KLHDC3: variants seen among roughly 807,000 people sequenced by gnomAD.
KLHDC3 encodes kelch domain-containing protein 3.
A neutral mutation model predicts 44.1 loss-of-function variants in KLHDC3; 5 were observed. The ratio of observed to expected loss-of-function variants is 0.11; its 90% CI spans 0.06 to 0.24. The LOEUF (loss-of-function observed/expected upper bound fraction) is 0.24. KLHDC3 is among the 10% of genes least tolerant of loss of function. KLHDC3 has a pLI of 1.00. For missense variants in KLHDC3, 247 were observed against 514.3 expected (o/e 0.48, Z 5.03); for synonymous variants, 170 against 189.0 (o/e 0.90, Z 0.82).
At chr6:43,020,500 T>C (rs1020775427) in intron 10 of KLHDC3, among the ~76,000 whole-genome samples, 167 bp from the exon 11 acceptor site, 9 of 152,022 alleles carry the variant, frequency 5.9e-5, no homozygotes, top group African/African-American at 2.2e-4. Context: ...TGGTGGTGGG[T>C]GGGTTCTGAT....
At position 43,021,175 on chromosome 6, in the gene KLHDC3, CCTT is replaced by C. The variant is rs1260340548; in HGVS notation, c.*445_*447del. 8.8e-6 allele frequency: 4 copies of C among 454,324 alleles called. No individual in the cohort carries two copies. The highest frequency in any genetic ancestry group is 3.2e-5 in the South Asian group (2 of 63,426). 28.1% of individuals were successfully genotyped at this position (454,324 alleles called of 1,614,324 possible). ...AGTTGCAGCTGTTGGCATGAGACCTCCTTCTCCCCGTCTTGGGGAGGTGGGGAC... is the reference window on the plus strand; with the variant it reads ...AGTTGCAGCTGTTGGCATGAGACCTCCTCCCCGTCTTGGGGAGGTGGGGAC... On this transcript the variant is annotated 3_prime_UTR_variant, in exon 11 of 11. Transcript: ENST00000326974.
At chr6:43,016,958 G>A (rs866487545) in intron 1 of KLHDC3, 176 bp from the exon 2 acceptor site, 11 of 559,194 alleles carry the variant, frequency 2.0e-5, no homozygotes, top group South Asian at 1.1e-4. Context: ...CCCTGACCTC[G>A]GCAGCTCCCT....
chr6:43,017,167 T>C lies in KLHDC3; in HGVS notation c.-26T>C. 3.1e-6 allele frequency: 5 copies of C among 1,604,110 alleles called. No homozygotes were observed. The highest frequency in any genetic ancestry group is 4.3e-6 in the Non-Finnish European group (5 of 1,176,090). ...GGCAGCAGGCCGTGCCGGGGGGGCA[T>C]GTTGCTGTAACCAGTGGCCCAGGGG... On this transcript the variant is annotated 5_prime_UTR_variant, in exon 2 of 11. It removes an upstream start codon present in the reference 5' UTR. Coordinates refer to ENST00000326974, the MANE Select transcript of KLHDC3 (RefSeq NM_057161.4). This position sits in a 1 kb window ranked among gnomAD's most constrained non-coding sequence, Gnocchi z 6.0.
intron 10 of KLHDC3, 135 bp downstream of exon 10, chr6:43,019,501 A>G (rs763721209): frequency 1.5e-6 from 1 of 650,070 alleles, no homozygotes; most frequent in Non-Finnish European, 2.8e-6. Flanking sequence ...CTTGTGGGAA[A>G]TGAGATGGAA....
chr6:43,018,265 T>C lies in KLHDC3; in HGVS notation c.519+49T>C, dbSNP rs1762621312. 1.9e-6 allele frequency: 3 copies of C among 1,572,748 alleles called. No homozygotes were observed. The highest frequency in any genetic ancestry group is 2.6e-6 in the Non-Finnish European group (3 of 1,142,988). On this transcript the variant is annotated intron_variant, in intron 5 of 10. Coordinates refer to ENST00000326974, the MANE Select transcript of KLHDC3 (RefSeq NM_057161.4). The surrounding 1 kb of genome is among the most constrained non-coding windows in gnomAD (Gnocchi z 6.0). ...AAATCCCCACCCTCTGTTGAAGCAA[T>C]GATAGGAAGCTCAGTCAGAGGAGAT...
In KLHDC3 at chr6:43,017,824, T is replaced by G; in HGVS notation, c.332-29T>G. 6.3e-7 allele frequency: 1 copy of G among 1,597,336 alleles called. No individual in the cohort carries two copies. Among genetic ancestry groups the G allele is most frequent in the Non-Finnish European group, 8.6e-7 (1 of 1,166,016 alleles). ...AGGAGGGACTGTCATAGAGGGTGCT[T>G]AGTTGAGCCATTTTCTCATCTCCTT... is the stretch of plus-strand genomic sequence containing the variant. On this transcript the variant is annotated intron_variant, in intron 3 of 10. Transcript: ENST00000326974. This position sits in a 1 kb window ranked among gnomAD's most constrained non-coding sequence, Gnocchi z 6.0.
At position 43,021,011 on chromosome 6, in the gene KLHDC3, G is replaced by A; in HGVS notation, c.*278G>A. 1 of 594,164 alleles carries A rather than the reference G, an allele frequency of 1.7e-6. No homozygotes were observed. The highest frequency in any genetic ancestry group is 3.2e-6 in the Non-Finnish European group (1 of 316,148). 36.8% of individuals were successfully genotyped at this position (594,164 alleles called of 1,614,324 possible). ...TGGGCCTCAGCTCTGCCCAGGGCCAGCCAGGTTCTGCTGGGAAGGGAAGGG... is the reference window on the plus strand; with the variant it reads ...TGGGCCTCAGCTCTGCCCAGGGCCAACCAGGTTCTGCTGGGAAGGGAAGGG... On this transcript the variant is annotated 3_prime_UTR_variant, in exon 11 of 11. Coordinates refer to ENST00000326974, the MANE Select transcript of KLHDC3 (RefSeq NM_057161.4).
Position 43,017,959 on chromosome 6 carries a change from C to T in KLHDC3, c.438C>T (p.Tyr146=), listed in dbSNP as rs775969944. The change falls in exon 4 of 11, where the codon TAC becomes TAT. Residue 146 remains tyrosine, a synonymous_variant. Coordinates refer to ENST00000326974, the MANE Select transcript of KLHDC3 (RefSeq NM_057161.4). This position sits in a 1 kb window ranked among gnomAD's most constrained non-coding sequence, Gnocchi z 6.0. The stretch of plus-strand genomic sequence containing the variant: ...AGATCATGTACATTTTTGGGGGCTA[C>T]GAGCAGCAGGTAGGTCTGGGAATAA... ...LGKIMYIFGG[Y]EQQADCFSND... The T allele has an allele frequency of 1.4e-5, 23 of 1,612,210 alleles. No individual in the cohort carries two copies. The highest frequency in any genetic ancestry group is 5.0e-5 in the Admixed American group (3 of 59,950).
chr6:43,020,627 G>T (rs1263740068), intron 10 of KLHDC3, 40 bp from the exon 11 acceptor site: 1 of 1,532,168 alleles, frequency 6.5e-7, no homozygotes, highest in East Asian at 2.2e-5. Context: ...TTGGGCTGAG[G>T]GCCCCCTCTT....
At chr6:43,020,643 T>C in intron 10 of KLHDC3, 24 bp from the exon 11 acceptor site, 3 of 1,601,804 alleles carry the variant, frequency 1.9e-6, no homozygotes, top group Non-Finnish European at 2.6e-6. Flanking sequence ...CTCTTCTTTC[T>C]GTCTCTTATT....
chr6:43,017,788 C>T lies in KLHDC3; in HGVS notation c.332-65C>T. 33 of 1,584,386 alleles carry T rather than the reference C, an allele frequency of 2.1e-5. No individual in the cohort carries two copies. Among genetic ancestry groups the T allele is most frequent in the Non-Finnish European group, 2.9e-5 (33 of 1,155,452 alleles). ...GTTGGGGGTCTTGGGGAGTAGAGTA[C>T]CCCAGAGCTGAGGAGGGACTGTCAT... On this transcript the variant is annotated intron_variant, in intron 3 of 10. Transcript: ENST00000326974. The surrounding 1 kb of genome is among the most constrained non-coding windows in gnomAD (Gnocchi z 6.0).
In KLHDC3 at chr6:43,019,445, A is replaced by G. The variant is rs1276836338; in HGVS notation, c.1082+79A>G. ...GGTGTGACCTGATTAGCTTGGTTTC[A>G]GTATGGAGGAGACAGACATTTTTGT... On this transcript the variant is annotated intron_variant, in intron 10 of 10. Transcript: ENST00000326974. The G allele has an allele frequency of 3.3e-6, 3 of 919,306 alleles. No individual in the cohort carries two copies. The African/African-American group carries it at 4.9e-5, about 15-fold the overall frequency. 56.9% of individuals were successfully genotyped at this position (919,306 alleles called of 1,614,324 possible).
intron 1 of KLHDC3, among the ~76,000 whole-genome samples, chr6:43,015,110 G>A (rs1488758239): frequency 1.3e-5 from 2 of 152,160 alleles, no homozygotes; most frequent in Non-Finnish European, 2.9e-5. Flanking sequence ...GGGAAGAATA[G>A]AGAATATAAG....
At position 43,017,461 on chromosome 6, in the gene KLHDC3, G is replaced by T; in HGVS notation, c.155-58G>T. On this transcript the variant is annotated intron_variant, in intron 2 of 10. Transcript: ENST00000326974. The surrounding 1 kb of genome is among the most constrained non-coding windows in gnomAD (Gnocchi z 6.0). ...GGGATTGGGGACAAACATCTGGTTT[G>T]GGAAAAGTGGACAGCCTGGAGGGAG... 1 of 1,561,884 alleles carries T rather than the reference G, an allele frequency of 6.4e-7. No individual in the cohort carries two copies. Among genetic ancestry groups the T allele is most frequent in the Non-Finnish European group, 8.7e-7 (1 of 1,150,004 alleles).
In KLHDC3 at chr6:43,017,310, A is replaced by G; in HGVS notation, c.118A>G (p.Thr40Ala). 6.2e-7 allele frequency: 1 copy of G among 1,614,102 alleles called. No homozygotes were observed. The highest frequency in any genetic ancestry group is 8.5e-7 in the Non-Finnish European group (1 of 1,179,988). ...GGYCSGEDYETLRQIDVHIFN... is the reference protein window; with the variant it reads ...GGYCSGEDYEALRQIDVHIFN... Reference sequence around the variant, plus strand: ...TTACTGCTCTGGTGAAGACTATGAGACACTGCGTCAGATAGATGTGCACAT... The same window carrying G: ...TTACTGCTCTGGTGAAGACTATGAGGCACTGCGTCAGATAGATGTGCACAT... The change falls in exon 2 of 11, where the codon ACA (threonine) becomes GCA (alanine). Residue 40 changes from threonine to alanine, a missense_variant. Transcript: ENST00000326974. This position sits in a 1 kb window ranked among gnomAD's most constrained non-coding sequence, Gnocchi z 6.0.
At position 43,018,074 on chromosome 6, in the gene KLHDC3, G is replaced by T. The variant is rs1247383206; in HGVS notation, c.448-71G>T. On this transcript the variant is annotated intron_variant, in intron 4 of 10. Transcript: ENST00000326974. The surrounding 1 kb of genome is among the most constrained non-coding windows in gnomAD (Gnocchi z 6.0). ...GCTTTGGCTTGTTTGCAGGTTTTGA[G>T]GGGAGGGATGGAGGGTCAGAGAGTG... The T allele has an allele frequency of 1.4e-6, 2 of 1,429,540 alleles. No homozygotes were observed. The highest frequency in any genetic ancestry group is 2.8e-5 in the African/African-American group (2 of 70,900). The allele number at this position is 1,429,540 out of a possible 1,614,324, so 88.6% of individuals were successfully genotyped here.
At position 43,021,111 on chromosome 6, in the gene KLHDC3, C is replaced by G. The variant is rs1211307183; in HGVS notation, c.*378C>G. On this transcript the variant is annotated 3_prime_UTR_variant, in exon 11 of 11. Coordinates refer to ENST00000326974, the MANE Select transcript of KLHDC3 (RefSeq NM_057161.4). ...CCTCCCCCTTTGCCTATCCCCTCCC[C>G]TCTGCTTGAGCCTTGAGCCTTGACT... is the stretch of plus-strand genomic sequence containing the variant. 1 of 475,422 alleles carries G rather than the reference C, an allele frequency of 2.1e-6. No homozygotes were observed. Among genetic ancestry groups the G allele is most frequent in the Non-Finnish European group, 4.2e-6 (1 of 239,912 alleles). The allele number at this position is 475,422 out of a possible 1,614,324, so 29.5% of individuals were successfully genotyped here.
chr6:43,020,179 A>G (rs905878774), intron 10 of KLHDC3, among the ~76,000 whole-genome samples: 4 of 151,668 alleles, frequency 2.6e-5, no homozygotes, highest in Admixed American at 6.6e-5. Context: ...ACAAGACTCA[A>G]AAAAAAAATT....
Position 43,017,186 on chromosome 6 carries a change from C to A in KLHDC3, c.-7C>A. 6.2e-7 allele frequency: 1 copy of A among 1,611,228 alleles called. No homozygotes were observed. The highest frequency in any genetic ancestry group is 8.5e-7 in the Non-Finnish European group (1 of 1,179,262). ...GGGGCATGTTGCTGTAACCAGTGGCCCAGGGGATGTTACGGTGGACAGTGC... is the reference window on the plus strand; with the variant it reads ...GGGGCATGTTGCTGTAACCAGTGGCACAGGGGATGTTACGGTGGACAGTGC... On this transcript the variant is annotated 5_prime_UTR_variant, in exon 2 of 11. Coordinates refer to ENST00000326974, the MANE Select transcript of KLHDC3 (RefSeq NM_057161.4). This position sits in a 1 kb window ranked among gnomAD's most constrained non-coding sequence, Gnocchi z 6.0.
Sources: allele counts gnomAD v4.1 joint callset (sites outside exome capture counted in the v4.1 genomes callset), GRCh38; gene constraint gnomAD v4.1.1; non-coding constraint Gnocchi (gnomAD v3.1); transcripts MANE v1.5; gene names NCBI Gene and HGNC (gene_info 2026-07-23, HGNC 2026-07-21).